Variants in SREBF2 observed in about 807,000 individuals in gnomAD.
SREBF2 encodes sterol regulatory element-binding protein 2.
In SREBF2, 55 loss-of-function variants were observed where a neutral mutation model predicts 113.1. The ratio of observed to expected loss-of-function variants is 0.49; its 90% confidence interval spans 0.39 to 0.61. SREBF2 has a LOEUF of 0.61. Ranked by LOEUF, SREBF2 falls within the 20% of genes least tolerant of loss-of-function variation. SREBF2 has a pLI of 0.00. For synonymous variants in SREBF2, 593 were observed against 605.7 expected (o/e 0.98, Z 0.31); for missense variants, 1,349 against 1,487.4 (o/e 0.91, Z 1.53).
At chr22:41,876,329 C>T (rs1471328827) in intron 7 of SREBF2, among the ~76,000 whole-genome samples, 1 of 152,080 alleles carries the variant, frequency 6.6e-6, no homozygotes, top group Non-Finnish European at 1.5e-5. Flanking sequence ...CACAAAGTTC[C>T]CTCCTAGTGT....
chr22:41,883,836 A>G (rs1306186903), intron 10 of SREBF2, among the ~76,000 whole-genome samples: 1 of 152,224 alleles, frequency 6.6e-6, no homozygotes, highest in Admixed American at 6.5e-5. Context: ...GCACCTTGAC[A>G]TGGGCACTTC....
intron 1 of SREBF2, among the ~76,000 whole-genome samples, chr22:41,845,066 G>T (rs1302832193): frequency 6.6e-6 from 1 of 151,714 alleles, no homozygotes; most frequent in Non-Finnish European, 1.5e-5. Context: ...GAGTAGCTGG[G>T]ATTACAGGTG....
At chr22:41,855,512 ACT>A (rs144033586) in intron 1 of SREBF2, among the ~76,000 whole-genome samples, 2,555 of 152,146 alleles carry the variant, frequency 0.017, 26 homozygotes, top group Non-Finnish European at 0.025. Flanking sequence ...ACAGAGCGAG[ACT>A]CTGGCTCAAA....
At chr22:41,898,525 G>A in intron 14 of SREBF2, 124 bp from the exon 15 acceptor site, 2 of 1,310,490 alleles carry the variant, frequency 1.5e-6, no homozygotes, top group Non-Finnish European at 2.1e-6. Context: ...CCCAGAGGCT[G>A]CTGGCCCGTT....
At chr22:41,879,423 A>G (rs904952996) in intron 9 of SREBF2, among the ~76,000 whole-genome samples, 2 of 152,298 alleles carry the variant, frequency 1.3e-5, no homozygotes, top group Admixed American at 6.5e-5. Context: ...GGGCGGGGCC[A>G]GAGTGTTTGG....
chr22:41,874,009 C>T lies in SREBF2; in HGVS notation c.1079C>T (p.Thr360Ile). 1 of 1,614,162 alleles carries T rather than the reference C, an allele frequency of 6.2e-7. No individual in the cohort carries two copies. Among genetic ancestry groups the T allele is most frequent in the Non-Finnish European group, 8.5e-7 (1 of 1,180,036 alleles). Reference protein sequence around the residue: ...IIELKDLVMGTDAKMHKSGVL... With the variant: ...IIELKDLVMGIDAKMHKSGVL... ...GAATTGAAAGACCTGGTCATGGGGA[C>T]AGACGCCAAGGTGGGTGCCAAGCAA... Residue 360 changes from threonine (T) to isoleucine (I), a missense_variant, in exon 5 of 19, where the codon ACA becomes ATA. Transcript: ENST00000361204.
chr22:41,895,348 C>T (rs1387915791), intron 13 of SREBF2, among the ~76,000 whole-genome samples: 2 of 151,068 alleles, frequency 1.3e-5, no homozygotes, highest in Admixed American at 6.6e-5. Flanking sequence ...ACCATGTTAG[C>T]CAGGATGGTC....
chr22:41,867,349 T>C, intron 2 of SREBF2, 69 bp downstream of exon 2: 2 of 1,532,928 alleles, frequency 1.3e-6, no homozygotes, highest in South Asian at 2.3e-5. Flanking sequence ...GCAGACACTG[T>C]AAATATTTCT....
intron 11 of SREBF2, among the ~76,000 whole-genome samples, chr22:41,891,001 C>A (rs182935826): frequency 6.6e-6 from 1 of 152,222 alleles, no homozygotes; most frequent in Admixed American, 6.5e-5. Context: ...TGCCGTATGA[C>A]CTGGACTAGG....
chr22:41,905,535 C>T lies in SREBF2; in HGVS notation c.3301C>T (p.Gln1101Ter), dbSNP rs1305147313. The change falls in exon 19 of 19, where the codon CAG (glutamine) becomes TAG (stop). Residue 1101 changes from glutamine (Q) to a stop codon, truncating the protein, a stop_gained. Coordinates refer to ENST00000361204, the MANE Select transcript of SREBF2 (RefSeq NM_004599.4). LOFTEE classifies it high-confidence loss of function. ...CCTCTCCTTCCTCTCCTCCCCGGGC[C>T]AGCGGGCAGTGCTGCTGGCCGAAGC... The part of the protein sequence containing the change: ...LPLSFLSSPG[Q>*]RAVLLAEAAR... 2 of 1,588,734 alleles carry T rather than the reference C, an allele frequency of 1.3e-6. No individual in the cohort carries two copies.
intron 1 of SREBF2, among the ~76,000 whole-genome samples, chr22:41,839,763 A>C (rs564192646): frequency 6.6e-6 from 1 of 151,600 alleles, no homozygotes; most frequent in Non-Finnish European, 1.5e-5. Context: ...TGTTTTATCT[A>C]CTCTTCAGTT....
intron 13 of SREBF2, among the ~76,000 whole-genome samples, chr22:41,895,870 T>C (rs905081556): frequency 2.7e-5 from 4 of 150,284 alleles, no homozygotes; most frequent in African/African-American, 7.5e-5. Flanking sequence ...CTGGGTGCAG[T>C]GGCTCACGTC....
At position 41,906,915 on chromosome 22, in the gene SREBF2, T is replaced by C. The variant is rs910515091; in HGVS notation, c.*1255T>C. 5.3e-5 allele frequency: 8 copies of C among 152,160 alleles called. No individual in the cohort carries two copies. The highest frequency in any genetic ancestry group is 1.9e-4 in the African/African-American group (8 of 41,414). 9.4% of individuals were successfully genotyped at this position (152,160 alleles called of 1,614,324 possible). A position where few individuals can be genotyped will look rare whatever the true frequency, so the allele number is the denominator to read the frequency against. On this transcript the variant is annotated 3_prime_UTR_variant, in exon 19 of 19. Coordinates refer to ENST00000361204, the MANE Select transcript of SREBF2 (RefSeq NM_004599.4). ...AGGTGCAGCACCTCCCGGAGACTGT[T>C]TCTCCCATGGCCTCCTGAGTGATGG...
chr22:41,848,378 C>T (rs1005269487), intron 1 of SREBF2, among the ~76,000 whole-genome samples: 2 of 152,094 alleles, frequency 1.3e-5, no homozygotes, highest in African/African-American at 2.4e-5. Context: ...TGAGCCACCG[C>T]GCCTGGCCTT....
At chr22:41,893,860 G>A (rs1320460498) in intron 12 of SREBF2, among the ~76,000 whole-genome samples, 1 of 152,176 alleles carries the variant, frequency 6.6e-6, no homozygotes, top group Non-Finnish European at 1.5e-5. Context: ...GGTCAGGATT[G>A]ACTTAGACCT....
rs771135847 is a variant in SREBF2, at chr22:41,867,288, A to G, written c.538+8A>G. 4 of 1,614,112 alleles carry G rather than the reference A, an allele frequency of 2.5e-6. No homozygotes were observed. The highest frequency in any genetic ancestry group is 4.5e-5 in the East Asian group (2 of 44,890). ...CAGCTACTAGCTTTCAAGGTGATTC[A>G]GAAGTTAGAATGGTAGTGGTTGGTT... On this transcript the variant is annotated splice_region_variant and intron_variant, in intron 2 of 18. Coordinates refer to ENST00000361204, the MANE Select transcript of SREBF2 (RefSeq NM_004599.4).
chr22:41,842,990 C>CAAA (rs1030056245), intron 1 of SREBF2, among the ~76,000 whole-genome samples: 1 of 117,458 alleles, frequency 8.5e-6, no homozygotes, highest in African/African-American at 3.1e-5. Flanking sequence ...ACGTCCGTCT[C>CAAA]AAAAAAAAAA....
chr22:41,899,384 C>T, intron 15 of SREBF2: 1 of 1,006,204 alleles, frequency 9.9e-7, no homozygotes, highest in Non-Finnish European at 1.2e-6. Context: ...TGATGGGCAG[C>T]CCTGCCTGCT....
At chr22:41,847,745 TC>T (rs1365727688) in intron 1 of SREBF2, among the ~76,000 whole-genome samples, 1 of 152,222 alleles carries the variant, frequency 6.6e-6, no homozygotes, top group Non-Finnish European at 1.5e-5. Context: ...CCTCAAAGTG[TC>T]ATTGAGATTA....
Sources: allele counts gnomAD v4.1 joint callset (sites outside exome capture counted in the v4.1 genomes callset), GRCh38; gene constraint gnomAD v4.1.1; transcripts MANE v1.5; gene names NCBI Gene and HGNC (gene_info 2026-07-23, HGNC 2026-07-21).